TENM3: variants seen among roughly 807,000 people sequenced by gnomAD.
TENM3 encodes teneurin transmembrane protein 3, also known as teneurin-3.
Under a neutral mutation model 255.1 loss-of-function variants are expected in TENM3, and 63 were observed. The ratio of observed to expected loss-of-function variants is 0.25; its 90% CI spans 0.20 to 0.30. The LOEUF is 0.30. Among genes scored for constraint, TENM3 ranks in the 10% least tolerant of loss-of-function variants. The pLI, the probability that TENM3 is intolerant of heterozygous loss-of-function variation, is 1.00. For missense variants in TENM3, 2,929 were observed against 3,461.1 expected (o/e 0.85, Z 3.86); for synonymous variants, 1,306 against 1,322.3 (o/e 0.99, Z 0.27).
the TENM3 span, among the ~76,000 whole-genome samples, chr4:182,131,598 T>C: frequency 6.6e-6 from 1 of 152,116 alleles, no homozygotes; most frequent in Non-Finnish European, 1.5e-5. Context: ...GTAGGAAGAG[T>C]TAAGGGTAAC....
At chr4:181,535,560 A>G in the TENM3 span, among the ~76,000 whole-genome samples, 4 of 152,092 alleles carry the variant, frequency 2.6e-5, no homozygotes, top group African/African-American at 9.7e-5. Context: ...AAACCCTTAA[A>G]TGGCTGCTCC....
At chr4:181,691,614 A>G in the TENM3 span, among the ~76,000 whole-genome samples, 1 of 152,138 alleles carries the variant, frequency 6.6e-6, no homozygotes, top group Non-Finnish European at 1.5e-5. Context: ...AAATCCTGCA[A>G]TAGGATCTGC....
At chr4:181,581,258 T>C in the TENM3 span, among the ~76,000 whole-genome samples, 1 of 152,044 alleles carries the variant, frequency 6.6e-6, no homozygotes, top group African/African-American at 2.4e-5. Context: ...CCGGCCAACA[T>C]GGTGAAGCCC....
chr4:181,865,626 G>A, the TENM3 span, among the ~76,000 whole-genome samples: 7 of 152,354 alleles, frequency 4.6e-5, no homozygotes, highest in South Asian at 1.2e-3. Context: ...AACATTGGCA[G>A]TGACCTTAAT....
At chr4:181,640,256 A>G in the TENM3 span, among the ~76,000 whole-genome samples, 1 of 152,312 alleles carries the variant, frequency 6.6e-6, no homozygotes, top group East Asian at 1.9e-4. Flanking sequence ...TAATCTGTGC[A>G]TCAACAAGCT....
the TENM3 span, among the ~76,000 whole-genome samples, chr4:181,531,996 G>A: frequency 6.6e-6 from 1 of 152,216 alleles, no homozygotes; most frequent in Non-Finnish European, 1.5e-5. Flanking sequence ...AGGAGTGGGA[G>A]TTGGCTAGCT....
the TENM3 span, among the ~76,000 whole-genome samples, chr4:181,571,367 C>T: frequency 6.6e-6 from 1 of 152,102 alleles, no homozygotes; most frequent in African/African-American, 2.4e-5. Flanking sequence ...GACAGGGTCT[C>T]ACTCTGTTGC....
intron 1 of TENM3, among the ~76,000 whole-genome samples, chr4:182,315,950 A>G (rs1762726461): frequency 6.6e-6 from 1 of 152,030 alleles, no homozygotes; most frequent in Non-Finnish European, 1.5e-5. Flanking sequence ...CCTTCTTTTT[A>G]TATATGCCAT....
chr4:182,599,906 A>G (rs146358880), intron 3 of TENM3, among the ~76,000 whole-genome samples: 244 of 152,336 alleles, frequency 1.6e-3, no homozygotes, highest in African/African-American at 5.0e-3. Flanking sequence ...AGAGTCATCT[A>G]TCTGTTTGGT....
At chr4:181,614,186 A>G in the TENM3 span, among the ~76,000 whole-genome samples, 1 of 152,272 alleles carries the variant, frequency 6.6e-6, no homozygotes, top group South Asian at 2.1e-4. Flanking sequence ...GTGTCCTCAA[A>G]GATTTTTTTC....
chr4:182,176,821 A>ATTTTTTTTTTT (rs529637466), intron 1 of TENM3, among the ~76,000 whole-genome samples: 1 of 113,358 alleles, frequency 8.8e-6, no homozygotes, highest in Non-Finnish European at 1.8e-5. Context: ...CATCCGGCTA[A>ATTTTTTTTTTT]TTTTTTTTTT....
rs1766208651 is a variant in TENM3, at chr4:182,792,760, A to AT, written c.6089dup (p.Met2030IlefsTer7). On this transcript the variant is annotated frameshift_variant, in exon 26 of 28. Coordinates refer to ENST00000511685, the MANE Select transcript of TENM3 (RefSeq NM_001080477.4). LOFTEE classifies it high-confidence loss of function. The surrounding 1 kb of genome is among the most constrained non-coding windows in gnomAD (Gnocchi z 6.3). The stretch of plus-strand genomic sequence containing the variant: ...TGACAACAGCTTTCGAGTGACCAGC[A>AT]TGCAGGGTGTGATCAATGAAACGCC... The AT allele has an allele frequency of 6.2e-7, 1 of 1,613,874 alleles. No homozygotes were observed. The highest frequency in any genetic ancestry group is 1.3e-5 in the African/African-American group (1 of 74,946).
the TENM3 span, among the ~76,000 whole-genome samples, chr4:181,728,260 A>C: frequency 6.6e-6 from 1 of 152,282 alleles, no homozygotes; most frequent in African/African-American, 2.4e-5. Flanking sequence ...CCCTATCCAG[A>C]CCCAAAAAGA....
chr4:181,893,530 C>T, the TENM3 span, among the ~76,000 whole-genome samples: 1 of 123,804 alleles, frequency 8.1e-6, no homozygotes, highest in South Asian at 2.9e-4. Context: ...AGGATGCATC[C>T]AGTATTTTGT....
At chr4:182,773,219 ACACTT>A (rs1019173938) in intron 22 of TENM3, among the ~76,000 whole-genome samples, 81 of 152,214 alleles carry the variant, frequency 5.3e-4, no homozygotes, top group African/African-American at 1.8e-3. Flanking sequence ...GATTTTGGTC[ACACTT>A]CAAAGAATCA....
intron 1 of TENM3, among the ~76,000 whole-genome samples, chr4:182,235,981 G>A (rs1038340857): frequency 1.3e-5 from 2 of 152,186 alleles, no homozygotes; most frequent in Non-Finnish European, 2.9e-5. Flanking sequence ...AGCATTGAAA[G>A]GTTTGATACA....
chr4:182,177,672 GT>G (rs1270073752), intron 1 of TENM3, among the ~76,000 whole-genome samples: 1 of 150,682 alleles, frequency 6.6e-6, no homozygotes, highest in African/African-American at 2.4e-5. Context: ...TTGTTGAAAG[GT>G]TTTTTTGTTT....
chr4:182,506,826 T>C (rs2151690238), intron 3 of TENM3, among the ~76,000 whole-genome samples: 1 of 152,336 alleles, frequency 6.6e-6, no homozygotes, highest in South Asian at 2.1e-4. Context: ...TTGAACTTCC[T>C]TAACTCTGTT....
intron 3 of TENM3, among the ~76,000 whole-genome samples, chr4:182,519,202 T>C (rs964801082): frequency 6.6e-6 from 1 of 152,234 alleles, no homozygotes; most frequent in Non-Finnish European, 1.5e-5. Context: ...ATTATTGTTA[T>C]GTATTGATTC....
Sources: gnomAD v4.1 joint callset for allele counts (sites outside exome capture counted in the v4.1 genomes callset) on GRCh38, gnomAD v4.1.1 for gene constraint, Gnocchi (gnomAD v3.1) non-coding constraint, MANE v1.5 for transcripts, NCBI Gene and HGNC (gene_info 2026-07-23, HGNC 2026-07-21) for gene names.